Variants in SS18L2 observed in about 807,000 individuals in gnomAD.
SS18L2 encodes SS18 like 2, also known as SS18-like protein 2.
A neutral mutation model predicts 10.3 loss-of-function variants in SS18L2; 8 were observed. The observed-to-expected ratio is 0.78, with a 90% CI of 0.46 to 1.41. The LOEUF (loss-of-function observed/expected upper bound fraction) is 1.41. Among genes scored for constraint, SS18L2 ranks in the 40% most tolerant of loss-of-function variants. SS18L2 has a pLI of 0.00. For synonymous variants in SS18L2, 41 were observed against 34.6 expected, an observed-to-expected ratio of 1.19 and a Z score of -0.65; for missense variants, 100 against 96.2, an observed-to-expected ratio of 1.04 and a Z score of -0.17.
intron 1 of SS18L2, among the ~76,000 whole-genome samples, chr3:42,583,910 T>G (rs1247577244): frequency 6.6e-6 from 1 of 152,244 alleles, no homozygotes; most frequent in Non-Finnish European, 1.5e-5. Context: ...CTTGTACCAG[T>G]GGTTCCCCAG....
chr3:42,587,685 G>C (rs187118132), upstream of SS18L2: 8 of 151,848 alleles, frequency 5.3e-5, no homozygotes, highest in Admixed American at 5.2e-4. Context: ...GCAGTGAGCC[G>C]AGATCGTGCC....
rs749191379 is a variant in SS18L2, at chr3:42,594,462, A to G, written c.187A>G (p.Thr63Ala). ...VLHRNLIYLA[T>A]IADASPTSTS... ...ACATAGAAATCTCATTTATTTGGCT[A>G]CCATTGCAGATGCCAGTCCAACCAG... The change falls in exon 3 of 3, where the codon ACC (threonine) becomes GCC (alanine). Residue 63 changes from threonine to alanine, a missense_variant. By Grantham distance (58) the Thr-to-Ala change is moderately conservative. Coordinates refer to ENST00000011691, the MANE Select transcript of SS18L2 (RefSeq NM_001370300.1). 1.9e-6 allele frequency: 3 copies of G among 1,614,022 alleles called. No individual in the cohort carries two copies. The highest frequency in any genetic ancestry group is 1.7e-5 in the Admixed American group (1 of 60,008).
At chr3:42,588,866 C>A (rs995402192), upstream of SS18L2, among the ~76,000 whole-genome samples, 4 of 152,156 alleles carry the variant, frequency 2.6e-5, no homozygotes, top group African/African-American at 9.7e-5. Flanking sequence ...AGGAGGAAGC[C>A]TGATGTGGAG....
upstream of SS18L2, among the ~76,000 whole-genome samples, chr3:42,588,059 G>A (rs920787244): frequency 2.7e-5 from 4 of 148,712 alleles, no homozygotes; most frequent in African/African-American, 9.9e-5. Flanking sequence ...GGCAACAAGA[G>A]TGAAACTGTC....
rs1241261503 is a variant in SS18L2 at position 42,594,899 on chromosome 3, A to C, written c.*390A>C. 1 of 158,094 alleles carries C rather than the reference A, an allele frequency of 6.3e-6. No individual in the cohort carries two copies. The highest frequency in any genetic ancestry group is 1.4e-5 in the Non-Finnish European group (1 of 71,914). The allele number at this position is 158,094 out of a possible 1,614,324, so 9.8% of individuals were successfully genotyped here. A position where few individuals can be genotyped will look rare whatever the true frequency, so the allele number is the denominator to read the frequency against. ...TGACTTGATACCTTGCTAAATGGAC[A>C]TGTAACTGTGTGCTCCTTCCTATCA... On this transcript the variant is annotated 3_prime_UTR_variant, in exon 3 of 3. Coordinates refer to ENST00000011691, the MANE Select transcript of SS18L2 (RefSeq NM_001370300.1).
upstream of SS18L2, among the ~76,000 whole-genome samples, chr3:42,587,003 C>T (rs1233274730): frequency 6.6e-6 from 1 of 152,130 alleles, no homozygotes; most frequent in Middle Eastern, 3.2e-3. Context: ...CTTTTCTTTC[C>T]CTCCCCACTT....
At chr3:42,594,053 C>CT (rs35919968) in intron 2 of SS18L2, among the ~76,000 whole-genome samples, 26,011 of 152,018 alleles carry the variant, frequency 0.17, 2,677 homozygotes, top group African/African-American at 0.29. Context: ...CTCACCTTTA[C>CT]CTGAATGAGA....
In SS18L2 at chr3:42,596,103, C is replaced by A. The variant is rs1438643492; in HGVS notation, c.*1594C>A. Reference sequence around the variant, plus strand: ...GTGGTGCAATTTTGGCTCACTGCAACCTCTACCTCCTGGGTTCAAGTGATT... The same window carrying A: ...GTGGTGCAATTTTGGCTCACTGCAAACTCTACCTCCTGGGTTCAAGTGATT... On this transcript the variant is annotated 3_prime_UTR_variant, in exon 3 of 3. Transcript: ENST00000011691. Among the ~76,000 whole-genome samples the A allele has an allele frequency of 6.6e-6, 1 of 151,884 alleles. No homozygotes were observed. The highest frequency in any genetic ancestry group is 2.4e-5 in the African/African-American group (1 of 41,332).
chr3:42,591,387 G>T (rs1248448158), intron 1 of SS18L2, 138 bp from the exon 2 acceptor site: 3 of 653,270 alleles, frequency 4.6e-6, no homozygotes, highest in South Asian at 1.7e-5. Context: ...TTAGTATGGG[G>T]TTTCCCCATG....
chr3:42,591,799 G>A (rs1407697034), intron 2 of SS18L2, among the ~76,000 whole-genome samples, 198 bp downstream of exon 2: 1 of 152,198 alleles, frequency 6.6e-6, no homozygotes, highest in Non-Finnish European at 1.5e-5. Flanking sequence ...GGAGTCAGAC[G>A]TGGCTCTTTC....
At chr3:42,589,493 T>A (rs1253968519), upstream of SS18L2, among the ~76,000 whole-genome samples, 3 of 152,108 alleles carry the variant, frequency 2.0e-5, no homozygotes. Context: ...ACGAATCTTG[T>A]TACCACATCC....
chr3:42,596,346 T>G lies in SS18L2; in HGVS notation c.*1837T>G, dbSNP rs1418474649. Among the ~76,000 whole-genome samples the G allele has an allele frequency of 6.6e-6, 1 of 152,160 alleles. No homozygotes were observed. Among genetic ancestry groups the G allele is most frequent in the African/African-American group, 2.4e-5 (1 of 41,428 alleles). ...CGATCATTTCTGTTTTCTAGAAAAT[T>G]ATTTTGTCTGTTTCCCCACTAGCAT... On this transcript the variant is annotated 3_prime_UTR_variant, in exon 3 of 3. Coordinates refer to ENST00000011691, the MANE Select transcript of SS18L2 (RefSeq NM_001370300.1).
upstream of SS18L2, chr3:42,590,662 C>T (rs1704788853): frequency 1.7e-6 from 1 of 597,532 alleles, no homozygotes; most frequent in Non-Finnish European, 3.0e-6. Flanking sequence ...CCAGCCCCAA[C>T]CCACAAGTTT....
In SS18L2 at chr3:42,595,161, GAT is replaced by G. The variant is rs1171612989; in HGVS notation, c.*653_*654del. The G allele has an allele frequency of 5.3e-5, 8 of 152,140 alleles. No homozygotes were observed. In the East Asian group the frequency reaches 1.5e-3, roughly 29 times the overall value. The allele number at this position is 152,140 out of a possible 1,614,324, so 9.4% of individuals were successfully genotyped here. ...TATCTAATATCATCTGATAATAGAT[GAT>G]GTTTAATTTTCTTCAGTTATCAGAT... On this transcript the variant is annotated 3_prime_UTR_variant, in exon 3 of 3. Transcript: ENST00000011691.
intron 1 of SS18L2, among the ~76,000 whole-genome samples, chr3:42,584,513 C>T (rs1195094460): frequency 6.6e-6 from 1 of 152,222 alleles, no homozygotes; most frequent in Non-Finnish European, 1.5e-5. Flanking sequence ...GCCTTGGCCT[C>T]CCTAAGTGCT....
chr3:42,591,356 TC>T, intron 1 of SS18L2, 168 bp from the exon 2 acceptor site: 1 of 605,976 alleles, frequency 1.7e-6, no homozygotes, highest in Non-Finnish European at 2.9e-6. Flanking sequence ...GCGACGCCAC[TC>T]CCGGCTAATT....
At chr3:42,590,558 C>G (rs1704783989), upstream of SS18L2, among the ~76,000 whole-genome samples, 1 of 151,958 alleles carries the variant, frequency 6.6e-6, no homozygotes, top group South Asian at 2.1e-4. Flanking sequence ...TGCACTCCAG[C>G]CTGGGCGACA....
upstream of SS18L2, among the ~76,000 whole-genome samples, chr3:42,589,884 C>T (rs371551517): frequency 1.3e-5 from 2 of 152,192 alleles, no homozygotes; most frequent in African/African-American, 4.8e-5. Flanking sequence ...AACCATGTGG[C>T]CCAAGAAGGT....
intron 1 of SS18L2, among the ~76,000 whole-genome samples, chr3:42,583,402 A>G (rs1704497994): frequency 6.6e-6 from 1 of 152,218 alleles, no homozygotes; most frequent in Non-Finnish European, 1.5e-5. Flanking sequence ...AAGCAGCTTC[A>G]AGGATGATGC....
Sources: allele counts gnomAD v4.1 joint callset (sites outside exome capture counted in the v4.1 genomes callset), GRCh38; gene constraint gnomAD v4.1.1; transcripts MANE v1.5; gene names NCBI Gene and HGNC (gene_info 2026-07-23, HGNC 2026-07-21).